Variants in ST8SIA6 observed in about 807,000 individuals in gnomAD.
ST8SIA6 encodes the protein alpha-2,8-sialyltransferase 8F.
Under a neutral mutation model 33.6 loss-of-function variants are expected in ST8SIA6, and 39 were observed. The observed-to-expected ratio is 1.16, with a 90% CI of 0.90 to 1.52. ST8SIA6 has a LOEUF of 1.52. Ranked by LOEUF, ST8SIA6 falls within the 40% of genes most tolerant of loss-of-function variation. The pLI is 0.00. For missense variants in ST8SIA6, 441 were observed against 443.8 expected (o/e 0.99, Z 0.06); for synonymous variants, 172 against 167.2 (o/e 1.03, Z -0.22).
At chr10:17,387,325 C>T (rs934779098) in intron 3 of ST8SIA6, among the ~76,000 whole-genome samples, 2 of 151,280 alleles carry the variant, frequency 1.3e-5, no homozygotes, top group African/African-American at 2.4e-5. Context: ...GATCTTGGCT[C>T]ACCACAACCT....
In ST8SIA6 at chr10:17,316,174, T is replaced by C. The variant is rs974329744; in HGVS notation, c.*4704A>G. Among the ~76,000 whole-genome samples the C allele has an allele frequency of 1.3e-5, 2 of 152,038 alleles. No individual in the cohort carries two copies. The highest frequency in any genetic ancestry group is 4.8e-5 in the African/African-American group (2 of 41,450). Reference sequence around the variant, plus strand: ...CCTAAACCCACTCCGATTACCCTCTTCTTAATGGGTACCCTTCTTGTATTT... The same window carrying C: ...CCTAAACCCACTCCGATTACCCTCTCCTTAATGGGTACCCTTCTTGTATTT... On this transcript the variant is annotated 3_prime_UTR_variant, in exon 8 of 8. Coordinates refer to ENST00000377602, the MANE Select transcript of ST8SIA6 (RefSeq NM_001004470.3).
intron 2 of ST8SIA6, among the ~76,000 whole-genome samples, chr10:17,408,635 G>C (rs1201488392): frequency 6.6e-6 from 1 of 151,866 alleles, no homozygotes; most frequent in Non-Finnish European, 1.5e-5. Flanking sequence ...ACTCCAGCCT[G>C]GGTGACAGAG....
At chr10:17,376,591 A>G (rs1279773671) in intron 3 of ST8SIA6, among the ~76,000 whole-genome samples, 7 of 152,322 alleles carry the variant, frequency 4.6e-5, no homozygotes, top group Middle Eastern at 3.4e-3. Context: ...TAGAAAAATC[A>G]TTTCATTTAT....
chr10:17,347,742 T>C (rs1022529623), intron 4 of ST8SIA6, among the ~76,000 whole-genome samples: 2 of 152,096 alleles, frequency 1.3e-5, no homozygotes, highest in African/African-American at 4.8e-5. Context: ...GAGACCATCC[T>C]GGCTAACACA....
chr10:17,440,207 ATTTT>A (rs199531697), intron 2 of ST8SIA6, among the ~76,000 whole-genome samples: 88 of 135,874 alleles, frequency 6.5e-4, no homozygotes, highest in South Asian at 1.4e-3. Flanking sequence ...TCTCAAATGT[ATTTT>A]TTTTTTTTTT....
chr10:17,378,525 A>G (rs960515677), intron 3 of ST8SIA6, among the ~76,000 whole-genome samples: 1 of 152,132 alleles, frequency 6.6e-6, no homozygotes, highest in East Asian at 1.9e-4. Context: ...CATTTTGTCT[A>G]TGTCTGATGT....
intron 7 of ST8SIA6, 44 bp from the exon 8 acceptor site, chr10:17,321,390 T>A (rs1181548633): frequency 6.8e-7 from 1 of 1,473,990 alleles, no homozygotes; most frequent in South Asian, 1.3e-5. Flanking sequence ...AGAATAATAA[T>A]CAAAGTAGCA....
chr10:17,326,862 A>C, intron 6 of ST8SIA6, 152 bp downstream of exon 6: 1 of 487,258 alleles, frequency 2.1e-6, no homozygotes, highest in Admixed American at 4.1e-5. Context: ...CTCATGAGCC[A>C]CATAACACTT....
chr10:17,346,657 G>A (rs1344757500), intron 4 of ST8SIA6, among the ~76,000 whole-genome samples: 1 of 152,112 alleles, frequency 6.6e-6, no homozygotes, highest in Admixed American at 6.5e-5. Context: ...ACGGAACTGA[G>A]AGAGAATATG....
In ST8SIA6 at chr10:17,353,265, C is replaced by G. The variant is rs534883552; in HGVS notation, c.377+6249G>C. Among the ~76,000 whole-genome samples, 5 of 152,246 alleles carry G rather than the reference C, an allele frequency of 3.3e-5. No individual in the cohort carries two copies. In the South Asian group the frequency reaches 8.3e-4, roughly 25 times the overall value. ...AATAGTTCAGAAAATAAAGTGAAAACTTTGTGGTAAAACTAAGTGTGATTT... is the reference window on the plus strand; with the variant it reads ...AATAGTTCAGAAAATAAAGTGAAAAGTTTGTGGTAAAACTAAGTGTGATTT... On this transcript the variant is annotated intron_variant, in intron 4 of 7. Coordinates refer to ENST00000377602, the MANE Select transcript of ST8SIA6 (RefSeq NM_001004470.3).
chr10:17,362,857 G>A (rs185708473), intron 3 of ST8SIA6, among the ~76,000 whole-genome samples: 11 of 152,052 alleles, frequency 7.2e-5, no homozygotes, highest in East Asian at 1.9e-4. Flanking sequence ...GATTACAGGC[G>A]CGCGTCCCCA....
intron 3 of ST8SIA6, among the ~76,000 whole-genome samples, chr10:17,369,742 T>C (rs1849671853): frequency 6.6e-6 from 1 of 152,230 alleles, no homozygotes; most frequent in Non-Finnish European, 1.5e-5. Flanking sequence ...TGTTTATAAT[T>C]ATTATATATT....
At position 17,436,211 on chromosome 10, in the gene ST8SIA6, C is replaced by T. The variant is rs529091502; in HGVS notation, c.200+17348G>A. Among the ~76,000 whole-genome samples the T allele has an allele frequency of 3.9e-5, 6 of 152,270 alleles. No individual in the cohort carries two copies. The Middle Eastern group carries it at 0.017, about 432-fold the overall frequency. On this transcript the variant is annotated intron_variant, in intron 2 of 7. Transcript: ENST00000377602. ...CATAACACTTGTCTTACTGATAAAA[C>T]TCCAATATTGTTTGGCTGTGTCCCC...
chr10:17,357,849 A>T (rs1336851442), intron 4 of ST8SIA6, among the ~76,000 whole-genome samples: 2 of 152,216 alleles, frequency 1.3e-5, no homozygotes, highest in Non-Finnish European at 2.9e-5. Flanking sequence ...GATCCTCAAT[A>T]GCTCACTACC....
intron 2 of ST8SIA6, among the ~76,000 whole-genome samples, chr10:17,427,935 C>T (rs1851987654): frequency 6.6e-6 from 1 of 152,250 alleles, no homozygotes; most frequent in Non-Finnish European, 1.5e-5. Context: ...CCCTGACTAG[C>T]ACTTTCTCTT....
intron 6 of ST8SIA6, among the ~76,000 whole-genome samples, chr10:17,326,755 C>G (rs970498301): frequency 2.0e-5 from 3 of 152,218 alleles, no homozygotes; most frequent in African/African-American, 4.8e-5. Flanking sequence ...AGGTCCTGCA[C>G]TACCAAACCC....
At chr10:17,343,701 A>G (rs17140609) in intron 4 of ST8SIA6, among the ~76,000 whole-genome samples, 17,058 of 152,260 alleles carry the variant, frequency 0.11, 1,064 homozygotes, top group South Asian at 0.18. Context: ...CAAGGATTAT[A>G]GAGACACATG....
intron 2 of ST8SIA6, 108 bp from the exon 3 acceptor site, chr10:17,390,728 C>T: frequency 2.7e-6 from 2 of 739,306 alleles, no homozygotes; most frequent in East Asian, 3.3e-5. Flanking sequence ...AATGAAGTCT[C>T]ATCTTTACTC....
At chr10:17,333,690 TATATATATATATA>T (rs1848381698) in intron 4 of ST8SIA6, among the ~76,000 whole-genome samples, 2 of 39,168 alleles carry the variant, frequency 5.1e-5, no homozygotes, top group Non-Finnish European at 8.1e-5. Context: ...TATATATATA[TATATATATATATA>T]TATATATATA....
Sources: gnomAD v4.1 joint callset for allele counts (sites outside exome capture counted in the v4.1 genomes callset) on GRCh38, gnomAD v4.1.1 for gene constraint, MANE v1.5 for transcripts, NCBI Gene and HGNC (gene_info 2026-07-23, HGNC 2026-07-21) for gene names.